ACOT9: variants seen among roughly 807,000 people sequenced by gnomAD.
ACOT9 encodes acyl-coenzyme A thioesterase 9, mitochondrial.
In ACOT9, 34 loss-of-function variants were observed where a neutral mutation model predicts 39.7. The observed-to-expected ratio is 0.86, with a 90% CI of 0.65 to 1.14. The LOEUF (loss-of-function observed/expected upper bound fraction) is 1.14. Among genes scored for constraint, ACOT9 ranks in the 50% most tolerant of loss-of-function variants. The pLI is 0.00. For synonymous variants in ACOT9, 110 were observed against 120.5 expected (o/e 0.91, Z 0.57); for missense variants, 313 against 344.1 (o/e 0.91, Z 0.71).
Position 23,712,266 on chromosome X carries a change from A to T in ACOT9, c.662+869T>A, listed in dbSNP as rs760360437. On this transcript the variant is annotated intron_variant, in intron 9 of 15. Coordinates refer to ENST00000379303, the MANE Select transcript of ACOT9 (RefSeq NM_001037171.2). ...CTAAAAATACAAAAATTAGCCAGGCATGGTGGCACATGCCTGTAATCCCAG... is the reference window on the plus strand; with the variant it reads ...CTAAAAATACAAAAATTAGCCAGGCTTGGTGGCACATGCCTGTAATCCCAG... Among the ~76,000 whole-genome samples the T allele has an allele frequency of 3.7e-5, 4 of 108,626 alleles. No individual in the cohort carries two copies. The South Asian group carries it at 1.2e-3, about 33-fold the overall frequency. 94.3% of individuals were successfully genotyped at this position (108,626 alleles called of 115,157 possible). A position where few individuals can be genotyped will look rare whatever the true frequency, so the allele number is the denominator to read the frequency against.
chrX:23,723,411 C>T (rs1929388483), intron 6 of ACOT9, among the ~76,000 whole-genome samples: 1 of 109,613 alleles, frequency 9.1e-6, no homozygotes, highest in South Asian at 3.9e-4. Flanking sequence ...GTCGAGAGAT[C>T]GAGACCATCC....
chrX:23,741,738 G>T lies in ACOT9; in HGVS notation c.20+1387C>A, dbSNP rs766013291. On this transcript the variant is annotated intron_variant, in intron 1 of 15. Coordinates refer to ENST00000379303, the MANE Select transcript of ACOT9 (RefSeq NM_001037171.2). Reference sequence around the variant, plus strand: ...TGCCCAGGCTGGAGTGCAGGGGCGCGATCTCAGCTCACTGCAACCTCTGCC... The same window carrying T: ...TGCCCAGGCTGGAGTGCAGGGGCGCTATCTCAGCTCACTGCAACCTCTGCC... Among the ~76,000 whole-genome samples, 6 of 111,539 alleles carry T rather than the reference G, an allele frequency of 5.4e-5. No individual in the cohort carries two copies. In the South Asian group the frequency reaches 2.2e-3, roughly 41 times the overall value.
intron 8 of ACOT9, among the ~76,000 whole-genome samples, chrX:23,716,726 A>C (rs1364183454): frequency 5.4e-5 from 6 of 111,379 alleles, no homozygotes; most frequent in Non-Finnish European, 1.1e-4. Context: ...TCACTCTGTC[A>C]CCCAGGTTGG....
intron 4 of ACOT9, among the ~76,000 whole-genome samples, chrX:23,732,393 C>A (rs183658012): frequency 2.8e-4 from 31 of 111,717 alleles, no homozygotes; most frequent in African/African-American, 9.1e-4. Context: ...TGAAGATGCA[C>A]GCTGAAGTGT....
intron 9 of ACOT9, among the ~76,000 whole-genome samples, chrX:23,712,788 T>C (rs1007531694): frequency 5.4e-5 from 6 of 112,048 alleles, no homozygotes; most frequent in Non-Finnish European, 1.1e-4. Flanking sequence ...GCCCAGCTAA[T>C]TTTTGTGTTT....
chrX:23,723,440 C>G (rs1408369279), intron 6 of ACOT9, among the ~76,000 whole-genome samples: 2 of 108,878 alleles, frequency 1.8e-5, no homozygotes, highest in East Asian at 5.8e-4. Flanking sequence ...ATGGTGAAAC[C>G]CCATGTCTAC....
rs1020372300 is a variant in ACOT9 at position 23,743,262 on chromosome X, C to T, written c.-118G>A. 1.1e-5 allele frequency: 10 copies of T among 944,061 alleles called. No homozygotes were observed. Among genetic ancestry groups the T allele is most frequent in the Non-Finnish European group, 1.3e-5 (9 of 716,620 alleles). 77.8% of individuals were successfully genotyped at this position (944,061 alleles called of 1,213,427 possible). A position where few individuals can be genotyped will look rare whatever the true frequency, so the allele number is the denominator to read the frequency against. On this transcript the variant is annotated 5_prime_UTR_variant, in exon 1 of 16. Transcript: ENST00000379303. The stretch of plus-strand genomic sequence containing the variant: ...GACCGCGCCCTTGCTGAGGACAGCC[C>T]GGGAGCCGGACAGCGGTGTCCGGGG...
At chrX:23,731,524 A>G (rs984647232) in intron 4 of ACOT9, among the ~76,000 whole-genome samples, 1 of 110,037 alleles carries the variant, frequency 9.1e-6, no homozygotes, top group African/African-American at 3.3e-5. Context: ...ATATACCCAA[A>G]TGAGCCATAT....
chrX:23,741,652 A>G (rs1477700260), intron 1 of ACOT9, among the ~76,000 whole-genome samples: 1 of 112,310 alleles, frequency 8.9e-6, no homozygotes. Flanking sequence ...CTCACTAGAC[A>G]CTAAGAGATT....
At chrX:23,739,929 G>T (rs1240065076) in intron 1 of ACOT9, among the ~76,000 whole-genome samples, 1 of 111,434 alleles carries the variant, frequency 9.0e-6, no homozygotes, top group African/African-American at 3.3e-5. Context: ...TTGGAAAATT[G>T]TAGTCCTAGA....
chrX:23,716,088 G>A (rs1480644233), intron 8 of ACOT9, among the ~76,000 whole-genome samples: 1 of 111,871 alleles, frequency 8.9e-6, no homozygotes, highest in Non-Finnish European at 1.9e-5. Context: ...AGGAGAGCAA[G>A]TCAAAGAGAC....
chrX:23,706,004 C>A (rs1215327662), intron 11 of ACOT9, 146 bp from the exon 12 acceptor site: 2 of 478,990 alleles, frequency 4.2e-6, no homozygotes, highest in African/African-American at 2.4e-5. Context: ...GTGGCTCACG[C>A]CTGTAATCCC....
intron 8 of ACOT9, 102 bp from the exon 9 acceptor site, chrX:23,713,310 G>T: frequency 1.6e-6 from 1 of 634,186 alleles, no homozygotes; most frequent in East Asian, 3.6e-5. Context: ...AGGTGCAGTC[G>T]CTCACGCCTA....
At chrX:23,705,981 T>G in intron 11 of ACOT9, 123 bp from the exon 12 acceptor site, 1 of 603,801 alleles carries the variant, frequency 1.7e-6, no homozygotes, top group African/African-American at 2.2e-5. Flanking sequence ...GGCCAAGGTT[T>G]AGGCCAGGCG....
chrX:23,743,013 A>T, intron 1 of ACOT9, 112 bp downstream of exon 1: 3 of 940,842 alleles, frequency 3.2e-6, no homozygotes, highest in Non-Finnish European at 4.2e-6. Context: ...ATAGAGCCCA[A>T]ATGCCCATGC....
chrX:23,710,862 ATGGTGGTATGTGCCTG>A (rs1411442278), intron 9 of ACOT9, among the ~76,000 whole-genome samples: 2 of 110,296 alleles, frequency 1.8e-5, no homozygotes, highest in Non-Finnish European at 3.8e-5. Flanking sequence ...TTAGCTCGGC[ATGGTGGTATGTGCCTG>A]TGGTCCCAGC....
At chrX:23,729,079 C>G (rs979343826) in intron 6 of ACOT9, among the ~76,000 whole-genome samples, 1 of 107,343 alleles carries the variant, frequency 9.3e-6, no homozygotes, top group African/African-American at 3.4e-5. Context: ...CACCCCCCCC[C>G]ACATAAGGTA....
At chrX:23,725,212 T>C (rs769814471) in intron 6 of ACOT9, among the ~76,000 whole-genome samples, 168 of 110,865 alleles carry the variant, frequency 1.5e-3, no homozygotes, top group African/African-American at 5.3e-3. Flanking sequence ...GGCTCACACC[T>C]GTAATCCCAG....
Position 23,715,144 on chromosome X carries a change from C to A in ACOT9, c.589-1936G>T, listed in dbSNP as rs776265925. 4.1e-4 allele frequency among the ~76,000 whole-genome samples: 46 copies of A among 111,363 alleles called. 1 individual carries two copies. The highest frequency in any genetic ancestry group is 7.2e-4 in the Non-Finnish European group (38 of 53,117). ...AATAGTTCCTCCTTTCTTCCACCAG[C>A]ACCTGGGCTAATCCTGTTAGCGTGG... is the stretch of plus-strand genomic sequence containing the variant. On this transcript the variant is annotated intron_variant, in intron 8 of 15. Transcript: ENST00000379303.
Sources: gnomAD v4.1 joint callset for allele counts (sites outside exome capture counted in the v4.1 genomes callset) on GRCh38, gnomAD v4.1.1 for gene constraint, MANE v1.5 for transcripts, NCBI Gene and HGNC (gene_info 2026-07-23, HGNC 2026-07-21) for gene names.